The following ASTN2 variants were observed in gnomAD, a reference collection of about 807,000 sequenced individuals.
The protein encoded by ASTN2 is astrotactin-2.
Under a neutral mutation model 139.8 loss-of-function variants are expected in ASTN2, and 54 were observed. That is an observed-to-expected ratio of 0.39 (90% CI 0.31 to 0.48). The LOEUF (loss-of-function observed/expected upper bound fraction) is 0.48, where lower values mean the gene tolerates loss of function less well. Among genes scored for constraint, ASTN2 ranks in the 20% least tolerant of loss-of-function variants. ASTN2 has a pLI of 0.95. For missense variants in ASTN2, 1,565 were observed against 1,725.1 expected, an observed-to-expected ratio of 0.91 and a Z score of 1.64; for synonymous variants, 756 against 719.5, an observed-to-expected ratio of 1.05 and a Z score of -0.81.
chr9:116,772,800 AC>A (rs543992214), intron 13 of ASTN2, among the ~76,000 whole-genome samples: 141 of 152,214 alleles, frequency 9.3e-4, no homozygotes, highest in African/African-American at 3.2e-3. Flanking sequence ...AGTCATCAGG[AC>A]CTGATTCCAG....
At chr9:117,031,160 A>AT (rs1838236706) in intron 6 of ASTN2, among the ~76,000 whole-genome samples, 1 of 152,182 alleles carries the variant, frequency 6.6e-6, no homozygotes, top group African/African-American at 2.4e-5. Flanking sequence ...ATTGGAGTTT[A>AT]TTTTTGGGGA....
intron 1 of ASTN2, among the ~76,000 whole-genome samples, chr9:117,300,656 A>T (rs564986175): frequency 3.3e-5 from 5 of 152,272 alleles, no homozygotes; most frequent in African/African-American, 1.2e-4. Flanking sequence ...ATTCTAAGAG[A>T]TCCTGATGTC....
intron 3 of ASTN2, among the ~76,000 whole-genome samples, chr9:117,206,371 T>C (rs950459525): frequency 1.3e-5 from 2 of 152,184 alleles, no homozygotes; most frequent in South Asian, 2.1e-4. Context: ...CAGTCCCTAC[T>C]ACAGGAGAAT....
At chr9:117,305,616 A>G (rs1367882178) in intron 1 of ASTN2, among the ~76,000 whole-genome samples, 1 of 152,240 alleles carries the variant, frequency 6.6e-6, no homozygotes, top group Non-Finnish European at 1.5e-5. Flanking sequence ...TCACTGGAGC[A>G]TGAAAGCCAG....
intron 19 of ASTN2, among the ~76,000 whole-genome samples, chr9:116,526,869 T>G (rs1851117059): frequency 6.6e-6 from 1 of 152,036 alleles, no homozygotes; most frequent in Admixed American, 6.6e-5. Flanking sequence ...TGAAACAGAA[T>G]AGCAAGTCCA....
At chr9:116,561,072 G>A (rs1369513449) in intron 19 of ASTN2, among the ~76,000 whole-genome samples, 1 of 152,006 alleles carries the variant, frequency 6.6e-6, no homozygotes, top group Non-Finnish European at 1.5e-5. Flanking sequence ...TAAGGCTGGA[G>A]GACTAACATG....
At chr9:116,563,895 T>C (rs12003311) in intron 19 of ASTN2, among the ~76,000 whole-genome samples, 24,144 of 152,154 alleles carry the variant, frequency 0.16, 2,084 homozygotes, top group African/African-American at 0.21. Flanking sequence ...GCCTGGTACA[T>C]AGTAAGAACT....
At chr9:116,988,726 G>A (rs902454364) in intron 7 of ASTN2, among the ~76,000 whole-genome samples, 20 of 152,114 alleles carry the variant, frequency 1.3e-4, no homozygotes, top group Non-Finnish European at 4.4e-5. Flanking sequence ...ACAACCCGGT[G>A]TCTCATCAAA....
At chr9:117,378,714 C>T (rs1018599871) in intron 1 of ASTN2, among the ~76,000 whole-genome samples, 2 of 152,194 alleles carry the variant, frequency 1.3e-5, no homozygotes, top group Non-Finnish European at 2.9e-5. Flanking sequence ...CTTTATCCCT[C>T]CCAAATTCTC....
intron 22 of ASTN2, 50 bp downstream of exon 22, chr9:116,440,559 A>G: frequency 6.3e-7 from 1 of 1,575,940 alleles, no homozygotes. Flanking sequence ...AGAAAAGTCA[A>G]CTGGAGGCAA....
intron 2 of ASTN2, among the ~76,000 whole-genome samples, chr9:117,216,143 A>G (rs1172118357): frequency 1.3e-5 from 2 of 152,222 alleles, no homozygotes; most frequent in African/African-American, 2.4e-5. Context: ...CTGTGAATAC[A>G]TTATCTTAGG....
At chr9:116,883,381 C>T (rs1360352488) in intron 10 of ASTN2, among the ~76,000 whole-genome samples, 1 of 152,172 alleles carries the variant, frequency 6.6e-6, no homozygotes, top group African/African-American at 2.4e-5. Context: ...TGTGTGGAGA[C>T]AGCAGTGAGA....
chr9:116,643,284 T>C (rs1005321761), intron 17 of ASTN2, among the ~76,000 whole-genome samples: 2 of 152,192 alleles, frequency 1.3e-5, no homozygotes, highest in Non-Finnish European at 2.9e-5. Flanking sequence ...GTCTCCTGCT[T>C]TTCCAATATT....
intron 17 of ASTN2, among the ~76,000 whole-genome samples, chr9:116,622,345 T>A (rs1258406136): frequency 6.6e-6 from 1 of 152,168 alleles, no homozygotes; most frequent in Non-Finnish European, 1.5e-5. Flanking sequence ...TAGGGATGAA[T>A]GAATGAATGA....
intron 2 of ASTN2, among the ~76,000 whole-genome samples, chr9:117,251,934 A>G (rs551242974): frequency 2.0e-5 from 3 of 152,356 alleles, no homozygotes; most frequent in East Asian, 1.9e-4. Flanking sequence ...AGGTCATAAA[A>G]GGAAAAACAC....
chr9:117,234,161 G>T (rs182704493), intron 2 of ASTN2, among the ~76,000 whole-genome samples: 2 of 152,278 alleles, frequency 1.3e-5, no homozygotes, highest in East Asian at 3.9e-4. Flanking sequence ...GGGCAAGAGG[G>T]TAGAGACAAC....
At chr9:116,581,660 T>A (rs1219106071) in intron 19 of ASTN2, among the ~76,000 whole-genome samples, 1 of 152,132 alleles carries the variant, frequency 6.6e-6, no homozygotes, top group Non-Finnish European at 1.5e-5. Flanking sequence ...CTATGCAAAA[T>A]GGGAAAGTTG....
chr9:116,566,966 T>C (rs1853265737), intron 19 of ASTN2, among the ~76,000 whole-genome samples: 1 of 152,228 alleles, frequency 6.6e-6, no homozygotes, highest in South Asian at 2.1e-4. Context: ...TTTCCCTTAA[T>C]ACAATCCTTT....
intron 17 of ASTN2, among the ~76,000 whole-genome samples, chr9:116,637,935 G>A (rs902135212): frequency 6.6e-6 from 1 of 152,086 alleles, no homozygotes; most frequent in Admixed American, 6.5e-5. Context: ...GTGAGACCTG[G>A]TCTCAAAAAA....
Sources: gnomAD v4.1 joint callset for allele counts (sites outside exome capture counted in the v4.1 genomes callset) on GRCh38, gnomAD v4.1.1 for gene constraint, MANE v1.5 for transcripts, NCBI Gene and HGNC (gene_info 2026-07-23, HGNC 2026-07-21) for gene names.